SH3KBP1: variants seen among roughly 807,000 people sequenced by gnomAD.
SH3KBP1 encodes SH3 domain-containing kinase-binding protein 1.
A neutral mutation model predicts 50.1 loss-of-function variants in SH3KBP1; 8 were observed. The observed-to-expected ratio is 0.16, with a 90% CI of 0.09 to 0.29. SH3KBP1 has a LOEUF of 0.29. SH3KBP1 is among the 10% of genes least tolerant of loss of function. The pLI is 1.00. For missense variants in SH3KBP1, 377 were observed against 535.2 expected (o/e 0.70, Z 2.92); for synonymous variants, 227 against 218.6 (o/e 1.04, Z -0.34).
chrX:19,771,078 T>C (rs1366393244), intron 2 of SH3KBP1, among the ~76,000 whole-genome samples: 2 of 111,871 alleles, frequency 1.8e-5, no homozygotes, highest in Non-Finnish European at 1.9e-5. Context: ...TTCTCCTACA[T>C]TACTGTGAGA....
At chrX:19,755,714 G>A (rs757745130) in intron 2 of SH3KBP1, among the ~76,000 whole-genome samples, 2 of 112,233 alleles carry the variant, frequency 1.8e-5, no homozygotes, top group Non-Finnish European at 3.8e-5. Flanking sequence ...GTAGCCTGGC[G>A]CCTAGGAACC....
At chrX:19,782,317 G>A (rs930979024) in intron 2 of SH3KBP1, among the ~76,000 whole-genome samples, 8 of 111,964 alleles carry the variant, frequency 7.1e-5, no homozygotes, top group Non-Finnish European at 1.3e-4. Flanking sequence ...CTAGAACACC[G>A]TTGGAGGGCA....
intron 8 of SH3KBP1, among the ~76,000 whole-genome samples, chrX:19,610,807 G>C (rs1438655740): frequency 8.9e-6 from 1 of 112,036 alleles, no homozygotes; most frequent in Middle Eastern, 4.2e-3. Flanking sequence ...TTGCTTAGCT[G>C]AGGACTGGTC....
At chrX:19,657,287 G>A (rs1327804937) in intron 6 of SH3KBP1, among the ~76,000 whole-genome samples, 3 of 108,934 alleles carry the variant, frequency 2.8e-5, no homozygotes, top group Non-Finnish European at 3.8e-5. Flanking sequence ...GGGCTGAGGC[G>A]GGAAGATCGC....
At chrX:19,744,721 T>C (rs1028894079) in intron 3 of SH3KBP1, among the ~76,000 whole-genome samples, 1 of 111,926 alleles carries the variant, frequency 8.9e-6, no homozygotes, top group Non-Finnish European at 1.9e-5. Context: ...ATTCCAATTT[T>C]TGGTGAATGA....
chrX:19,749,766 A>T (rs781194963), intron 2 of SH3KBP1, among the ~76,000 whole-genome samples: 1 of 112,881 alleles, frequency 8.9e-6, no homozygotes, highest in East Asian at 2.8e-4. Flanking sequence ...ATTCTAATGT[A>T]ATTAATGCTA....
intron 6 of SH3KBP1, among the ~76,000 whole-genome samples, chrX:19,664,377 GC>G (rs1470643338): frequency 9.0e-6 from 1 of 111,177 alleles, no homozygotes; most frequent in Non-Finnish European, 1.9e-5. Context: ...TCAGGGTTGG[GC>G]TACACACAAA....
intron 17 of SH3KBP1, among the ~76,000 whole-genome samples, chrX:19,537,083 C>A (rs969125825): frequency 1.8e-4 from 20 of 111,615 alleles, no homozygotes; most frequent in Non-Finnish European, 3.6e-4. Context: ...ACAGCTGTGG[C>A]CCCTGGAGCC....
intron 2 of SH3KBP1, among the ~76,000 whole-genome samples, chrX:19,786,061 T>A (rs1288041781): frequency 8.9e-6 from 1 of 112,274 alleles, no homozygotes; most frequent in East Asian, 2.8e-4. Context: ...ATGACTAAGA[T>A]GGTACATTTT....
chrX:19,635,645 G>A (rs935308399), intron 7 of SH3KBP1, among the ~76,000 whole-genome samples: 1 of 110,847 alleles, frequency 9.0e-6, no homozygotes, highest in African/African-American at 3.3e-5. Context: ...TGAGTTTGTG[G>A]TTTTAATGTT....
intron 1 of SH3KBP1, 119 bp downstream of exon 1, chrX:19,887,188 G>A: frequency 1.7e-6 from 1 of 601,939 alleles, no homozygotes; most frequent in Non-Finnish European, 2.2e-6. Flanking sequence ...GGCGCCCACC[G>A]CGGTGTCCCC....
intron 12 of SH3KBP1, among the ~76,000 whole-genome samples, chrX:19,587,843 T>C (rs764195733): frequency 8.9e-6 from 1 of 112,471 alleles, no homozygotes; most frequent in South Asian, 3.7e-4. Flanking sequence ...TGTGTTGACA[T>C]GTATACCTAA....
intron 12 of SH3KBP1, among the ~76,000 whole-genome samples, chrX:19,582,129 T>C (rs1938809947): frequency 8.9e-6 from 1 of 112,208 alleles, no homozygotes; most frequent in South Asian, 3.7e-4. Context: ...ACCTCTGGGA[T>C]GTCTGATTCA....
At chrX:19,763,609 A>G (rs781750171) in intron 2 of SH3KBP1, among the ~76,000 whole-genome samples, 2 of 112,341 alleles carry the variant, frequency 1.8e-5, no homozygotes, top group South Asian at 7.3e-4. Context: ...TATTAATTCT[A>G]TCTCTGTCCA....
intron 13 of SH3KBP1, among the ~76,000 whole-genome samples, chrX:19,556,385 T>G (rs2065492338): frequency 9.1e-6 from 1 of 110,140 alleles, no homozygotes; most frequent in South Asian, 3.9e-4. Flanking sequence ...TGAGGTAGTC[T>G]GAATGGGAGG....
chrX:19,773,856 GAAAAAAAAAAAA>G (rs59381892), intron 2 of SH3KBP1, among the ~76,000 whole-genome samples: 67 of 14,913 alleles, frequency 4.5e-3, no homozygotes, highest in African/African-American at 0.01. Context: ...ACTCCGGCTC[GAAAAAAAAAAAA>G]AAAAAAAAAA....
At chrX:19,774,322 A>G (rs753288118) in intron 2 of SH3KBP1, among the ~76,000 whole-genome samples, 1 of 111,371 alleles carries the variant, frequency 9.0e-6, no homozygotes, top group East Asian at 2.8e-4. Context: ...ATAAAAATAC[A>G]TCTTTGCATA....
At position 19,755,539 on chromosome X, in the gene SH3KBP1, C is replaced by CA. The variant is rs770026357; in HGVS notation, c.163-9099dup. 7.4e-4 allele frequency among the ~76,000 whole-genome samples: 82 copies of CA among 110,729 alleles called. 1 individual carries two copies. In the South Asian group the frequency reaches 0.03, roughly 40 times the overall value. ...TATCAGCAAAAGATCAATAACCCAA[C>CA]AAAAAAATAGCAAAGGACAGGTCAC... On this transcript the variant is annotated intron_variant, in intron 2 of 17. Coordinates refer to ENST00000397821, the MANE Select transcript of SH3KBP1 (RefSeq NM_031892.3).
chrX:19,537,540 A>G lies in SH3KBP1; in HGVS notation c.1956+177T>C, dbSNP rs771410756. 4.5e-5 allele frequency among the ~76,000 whole-genome samples: 5 copies of G among 111,535 alleles called. No individual in the cohort carries two copies. The East Asian group carries it at 1.4e-3, about 31-fold the overall frequency. On this transcript the variant is annotated intron_variant, in intron 17 of 17. Transcript: ENST00000397821. Reference sequence around the variant, plus strand: ...CATTTCCTAATGTTTCCCTTCCCCAAGACTTCCTGGGGAAACGATATGTAG... The same window carrying G: ...CATTTCCTAATGTTTCCCTTCCCCAGGACTTCCTGGGGAAACGATATGTAG...
Sources: allele counts gnomAD v4.1 joint callset (sites outside exome capture counted in the v4.1 genomes callset), GRCh38; gene constraint gnomAD v4.1.1; transcripts MANE v1.5; gene names NCBI Gene and HGNC (gene_info 2026-07-23, HGNC 2026-07-21).